The following RPRD1A variants were observed in gnomAD, a reference collection of about 807,000 sequenced individuals.
RPRD1A encodes regulation of nuclear pre-mRNA domain containing 1A.
A neutral mutation model predicts 37.8 loss-of-function variants in RPRD1A; 9 were observed. The ratio of observed to expected loss-of-function variants is 0.24; its 90% confidence interval spans 0.14 to 0.42. The LOEUF is 0.42. Among genes scored for constraint, RPRD1A ranks in the 10% least tolerant of loss-of-function variants. The pLI, the probability that RPRD1A is intolerant of heterozygous loss-of-function variation, is 1.00. For synonymous variants in RPRD1A, 138 were observed against 139.7 expected (o/e 0.99, Z 0.08); for missense variants, 255 against 371.0 (o/e 0.69, Z 2.57).
chr18:36,046,115 A>G (rs1272810085), intron 1 of RPRD1A, among the ~76,000 whole-genome samples: 1 of 152,248 alleles, frequency 6.6e-6, no homozygotes, highest in Non-Finnish European at 1.5e-5. Context: ...ACAGCAAAAC[A>G]GAAAACATTT....
intron 1 of RPRD1A, among the ~76,000 whole-genome samples, chr18:36,056,857 T>C (rs1373899566): frequency 6.6e-6 from 1 of 151,900 alleles, no homozygotes; most frequent in Non-Finnish European, 1.5e-5. Flanking sequence ...AAATAATTCA[T>C]CATTATAGTC....
chr18:36,026,855 A>T (rs1461461750), intron 6 of RPRD1A, 45 bp downstream of exon 6: 1 of 1,525,036 alleles, frequency 6.6e-7, no homozygotes, highest in African/African-American at 1.4e-5. Context: ...CCTAACAAAA[A>T]GAGAATTAAA....
At chr18:36,048,361 C>T (rs180899115) in intron 1 of RPRD1A, among the ~76,000 whole-genome samples, 12 of 152,130 alleles carry the variant, frequency 7.9e-5, no homozygotes, top group Admixed American at 2.0e-4. Context: ...CCACCGCACC[C>T]GGCCAAATGT....
intron 1 of RPRD1A, among the ~76,000 whole-genome samples, chr18:36,058,514 AT>A (rs1051334656): frequency 1.3e-5 from 2 of 152,260 alleles, no homozygotes; most frequent in African/African-American, 4.8e-5. Context: ...AAAACATCAA[AT>A]CAACAACTTT....
chr18:36,005,893 T>C (rs1266060508), intron 6 of RPRD1A, among the ~76,000 whole-genome samples: 1 of 152,082 alleles, frequency 6.6e-6, no homozygotes, highest in African/African-American at 2.4e-5. Context: ...ACATTTTTAA[T>C]CTATGATTTT....
intron 6 of RPRD1A, among the ~76,000 whole-genome samples, chr18:36,018,443 T>C (rs888085384): frequency 3.3e-5 from 5 of 152,014 alleles, no homozygotes; most frequent in African/African-American, 1.2e-4. Context: ...CCAACTAATT[T>C]TTTCTATTTT....
intron 6 of RPRD1A, among the ~76,000 whole-genome samples, chr18:36,012,449 T>C (rs1482590442): frequency 1.3e-5 from 2 of 152,240 alleles, no homozygotes; most frequent in African/African-American, 4.8e-5. Context: ...AAGGCATTAT[T>C]AGATACACAA....
intron 6 of RPRD1A, among the ~76,000 whole-genome samples, chr18:36,021,517 C>T (rs948312539): frequency 6.6e-6 from 1 of 152,192 alleles, no homozygotes; most frequent in Non-Finnish European, 1.5e-5. Context: ...AATTAAGAAT[C>T]CTACCATGGC....
At chr18:36,008,569 T>TATATATA (rs1555670660) in intron 6 of RPRD1A, among the ~76,000 whole-genome samples, 3 of 56,078 alleles carry the variant, frequency 5.3e-5, no homozygotes, top group African/African-American at 1.5e-4. Context: ...CAGCAAGACC[T>TATATATA]TGTGTGTGTA....
chr18:36,067,330 G>C lies in RPRD1A; in HGVS notation c.75C>G (p.Thr25=), dbSNP rs535177325. 1.2e-6 allele frequency: 2 copies of C among 1,608,484 alleles called. No homozygotes were observed. The highest frequency in any genetic ancestry group is 1.7e-5 in the Admixed American group (1 of 59,204). The change falls in exon 1 of 7, where the codon ACC becomes ACG. Residue 25 remains threonine (T), a synonymous_variant. Transcript: ENST00000399022. ...GGTGGTGAATGAGCCACAGGGACAA[G>C]GTCTGCACGCTCTGCTGCGAGTTGC... The part of the protein sequence containing the change: ...ELSNSQQSVQ[T]LSLWLIHHRK...
At position 36,067,457 on chromosome 18, in the gene RPRD1A, A is replaced by G; in HGVS notation, c.-53T>C. The G allele has an allele frequency of 2.6e-6, 4 of 1,554,346 alleles. No homozygotes were observed. The highest frequency in any genetic ancestry group is 2.6e-6 in the Non-Finnish European group (3 of 1,145,640). ...CACGCGGTGGGGCCGAGGGGAGGAG[A>G]GTTTCGCCGCCCTAGCTGCGGCCTC... On this transcript the variant is annotated 5_prime_UTR_variant, in exon 1 of 7. Transcript: ENST00000399022.
chr18:36,057,208 C>T (rs1283865518), intron 1 of RPRD1A, among the ~76,000 whole-genome samples: 1 of 151,732 alleles, frequency 6.6e-6, no homozygotes, highest in African/African-American at 2.4e-5. Flanking sequence ...AGAGCCAAAC[C>T]CTGTCTCTCA....
In RPRD1A at chr18:36,067,459, T is replaced by C; in HGVS notation, c.-55A>G. ...CGCGGTGGGGCCGAGGGGAGGAGAG[T>C]TTCGCCGCCCTAGCTGCGGCCTCGC... On this transcript the variant is annotated 5_prime_UTR_variant, in exon 1 of 7. Transcript: ENST00000399022. 5.2e-6 allele frequency: 8 copies of C among 1,547,646 alleles called. No homozygotes were observed. The highest frequency in any genetic ancestry group is 7.0e-6 in the Non-Finnish European group (8 of 1,141,732).
At chr18:35,998,491 G>A (rs923783599) in intron 6 of RPRD1A, among the ~76,000 whole-genome samples, 3 of 152,020 alleles carry the variant, frequency 2.0e-5, no homozygotes, top group African/African-American at 4.8e-5. Flanking sequence ...CTTCTCCTCC[G>A]TTTTCCTCAT....
chr18:36,009,726 AT>A (rs1436206871), intron 6 of RPRD1A, among the ~76,000 whole-genome samples: 2 of 152,330 alleles, frequency 1.3e-5, no homozygotes, highest in East Asian at 3.9e-4. Flanking sequence ...AATGTTCTTT[AT>A]CTGCATTACC....
chr18:36,063,661 A>G (rs903348318), intron 1 of RPRD1A, among the ~76,000 whole-genome samples: 3 of 152,220 alleles, frequency 2.0e-5, no homozygotes, highest in Non-Finnish European at 4.4e-5. Flanking sequence ...AGATATGGTA[A>G]AATAACTAAA....
chr18:36,057,452 CA>C (rs879381826), intron 1 of RPRD1A, among the ~76,000 whole-genome samples: 8 of 151,792 alleles, frequency 5.3e-5, no homozygotes, highest in East Asian at 1.9e-4. Flanking sequence ...ACAAAAAATA[CA>C]AAAAAAATTA....
At position 36,014,734 on chromosome 18, in the gene RPRD1A, C is replaced by T. The variant is rs144064262; in HGVS notation, c.789+12166G>A. Among the ~76,000 whole-genome samples, 294 of 152,244 alleles carry T rather than the reference C, an allele frequency of 1.9e-3. 1 individual carries two copies. The highest frequency in any genetic ancestry group is 6.8e-3 in the Middle Eastern group (2 of 294). ...CTCCAGCCTGGGCAACAAAGCGAGACTCCGTCTCAAGAAAATAAATAAATA... is the reference window on the plus strand; with the variant it reads ...CTCCAGCCTGGGCAACAAAGCGAGATTCCGTCTCAAGAAAATAAATAAATA... On this transcript the variant is annotated intron_variant, in intron 6 of 6. Transcript: ENST00000399022.
intron 6 of RPRD1A, among the ~76,000 whole-genome samples, chr18:35,997,919 T>C (rs536888298): frequency 3.9e-4 from 59 of 152,316 alleles, no homozygotes; most frequent in African/African-American, 1.4e-3. Context: ...CCATCCTTCA[T>C]AACGTTCTTT....
Sources: allele counts gnomAD v4.1 joint callset (sites outside exome capture counted in the v4.1 genomes callset), GRCh38; gene constraint gnomAD v4.1.1; transcripts MANE v1.5; gene names NCBI Gene and HGNC (gene_info 2026-07-23, HGNC 2026-07-21).